The following AHNAK2 variants were observed in gnomAD, a reference collection of about 807,000 sequenced individuals.
AHNAK2 encodes protein AHNAK2.
Under a neutral mutation model 30.7 loss-of-function variants are expected in AHNAK2, and 18 were observed. The ratio of observed to expected loss-of-function variants is 0.59; its 90% CI spans 0.41 to 0.87. The LOEUF (loss-of-function observed/expected upper bound fraction) is 0.87. AHNAK2 is among the 40% of genes least tolerant of loss of function. The probability of loss-of-function intolerance (pLI) is 0.00; values close to 1 mark genes in which losing one functional copy is unlikely to be tolerated. For missense variants in AHNAK2, 8,604 were observed against 7,373.0 expected, an observed-to-expected ratio of 1.17 and a Z score of -6.11; for synonymous variants, 3,590 against 3,073.8, an observed-to-expected ratio of 1.17 and a Z score of -5.56.
Position 104,948,403 on chromosome 14 carries a change from C to A in AHNAK2, c.7048G>T (p.Ala2350Ser). 1 of 1,612,466 alleles carries A rather than the reference C, an allele frequency of 6.2e-7. No individual in the cohort carries two copies. The highest frequency in any genetic ancestry group is 8.5e-7 in the Non-Finnish European group (1 of 1,179,548). ...SADVSALKVE[A>S]DVSLPSMQGD... ...TGCATGGAGGGGAGGCTCACGTCGG[C>A]CTCCACCTTCAACGCAGACACATCC... The change falls in exon 7 of 7, where the codon GCC (alanine) becomes TCC (serine). Residue 2350 changes from alanine (A) to serine (S), a missense_variant. By Grantham distance (99) the Ala-to-Ser change is moderately conservative. Transcript: ENST00000333244.
intron 1 of AHNAK2, among the ~76,000 whole-genome samples, chr14:104,960,937 G>T: frequency 6.6e-6 from 1 of 151,262 alleles, no homozygotes; most frequent in Non-Finnish European, 1.5e-5. Context: ...TTTGAGACCA[G>T]CCTGGCCAAC....
Position 104,954,311 on chromosome 14 carries a change from C to G in AHNAK2, c.1140G>C (p.Arg380Ser). Residue 380 changes from arginine (R) to serine (S), a missense_variant, in exon 7 of 7, where the codon AGG becomes AGC. Coordinates refer to ENST00000333244, the MANE Select transcript of AHNAK2 (RefSeq NM_138420.4). The surrounding 1 kb of genome is among the most constrained non-coding windows in gnomAD (Gnocchi z 4.3). Reference sequence around the variant, plus strand: ...GCATCACTTCTCGATCCTGTTCTGCCCTCTCCTCTCTCCTGCTGCCTGTGG... The same window carrying G: ...GCATCACTTCTCGATCCTGTTCTGCGCTCTCCTCTCTCCTGCTGCCTGTGG... ...GAATGSRREERAEQDREVMPA... is the reference protein window; with the variant it reads ...GAATGSRREESAEQDREVMPA... 6.2e-7 allele frequency: 1 copy of G among 1,613,650 alleles called. No homozygotes were observed. The highest frequency in any genetic ancestry group is 8.5e-7 in the Non-Finnish European group (1 of 1,179,878).
At position 104,939,927 on chromosome 14, in the gene AHNAK2, C is replaced by A; in HGVS notation, c.15524G>T (p.Ser5175Ile). The A allele has an allele frequency of 6.2e-7, 1 of 1,612,464 alleles. No individual in the cohort carries two copies. The highest frequency in any genetic ancestry group is 1.7e-5 in the Admixed American group (1 of 60,030). The change falls in exon 7 of 7, where the codon AGC (serine) becomes ATC (isoleucine). Residue 5175 changes from serine to isoleucine, a missense_variant. Ser to Ile is a moderately radical substitution (Grantham distance 142, BLOSUM62 -2). Coordinates refer to ENST00000333244, the MANE Select transcript of AHNAK2 (RefSeq NM_138420.4). ...KPDAEVLTVE[S>I]PEEEAMTKYS... ...CTTGGTCATGGCTTCCTCCTCTGGG[C>A]TTTCCACTGTGAGGACTTCAGCATC...
Position 104,939,211 on chromosome 14 carries a change from G to C in AHNAK2, c.16240C>G (p.Gln5414Glu), listed in dbSNP as rs1448138399. Residue 5414 changes from glutamine to glutamate, a missense_variant, in exon 7 of 7, where the codon CAG becomes GAG. Transcript: ENST00000333244. ...DVFIPTVREV[Q>E]CPEANIDTAL... ...GTATCAATATTGGCCTCTGGACACTGCACTTCCCTCACAGTGGGGATGAAC... is the reference window on the plus strand; with the variant it reads ...GTATCAATATTGGCCTCTGGACACTCCACTTCCCTCACAGTGGGGATGAAC... 3 of 1,613,830 alleles carry C rather than the reference G, an allele frequency of 1.9e-6. No homozygotes were observed. The highest frequency in any genetic ancestry group is 2.5e-6 in the Non-Finnish European group (3 of 1,179,876).
chr14:104,970,472 G>T, intron 1 of AHNAK2: 4 of 985,534 alleles, frequency 4.1e-6, no homozygotes, highest in South Asian at 4.7e-5. Flanking sequence ...AGCTACAGAC[G>T]CTCTCCCAAC....
At position 104,948,107 on chromosome 14, in the gene AHNAK2, G is replaced by A. The variant is rs578259727; in HGVS notation, c.7344C>T (p.Ser2448=). 43 of 1,612,334 alleles carry A rather than the reference G, an allele frequency of 2.7e-5. No homozygotes were observed. The East Asian group carries it at 3.6e-4, about 13-fold the overall frequency. ...CCGGGGCCTCGACATCCACCTCCAC[G>A]CTGGGCTGAGACACCTCCACGTCGG... ...MAPDVEVSQP[S]VEVDVEAPGA... Residue 2448 remains serine, a synonymous_variant, in exon 7 of 7, where the codon AGC becomes AGT. Transcript: ENST00000333244.
Position 104,942,628 on chromosome 14 carries a change from G to C in AHNAK2, c.12823C>G (p.Leu4275Val), listed in dbSNP as rs762628836. ...EVDVEAPGAKLDSVRLEGDLS... is the reference protein window; with the variant it reads ...EVDVEAPGAKVDSVRLEGDLS... ...TCACCCTCCAGCCGCACACTGTCCA[G>C]CTTGGCTCCCGGGGCCTCGACGTCC... Residue 4275 changes from leucine (L) to valine (V), a missense_variant, in exon 7 of 7, where the codon CTG (leucine) becomes GTG (valine). By Grantham distance (32) the Leu-to-Val change is conservative (BLOSUM62 1). Transcript: ENST00000333244. 4 of 1,613,318 alleles carry C rather than the reference G, an allele frequency of 2.5e-6. No individual in the cohort carries two copies. The highest frequency in any genetic ancestry group is 3.4e-6 in the Non-Finnish European group (4 of 1,179,644).
Position 104,955,215 on chromosome 14 carries a change from G to A in AHNAK2, c.467-74C>T, listed in dbSNP as rs190048624. ...GGTCTGCTGTCTTGCCTTGGCTGGC[G>A]AGGAGGGTCCCGGGGACATGAATAG... On this transcript the variant is annotated intron_variant, in intron 5 of 6. Transcript: ENST00000333244. 4.5e-4 allele frequency: 676 copies of A among 1,504,494 alleles called. 4 individuals are homozygous for A. In the East Asian group the frequency reaches 0.013, roughly 29 times the overall value. The allele number at this position is 1,504,494 out of a possible 1,614,324, so 93.2% of individuals were successfully genotyped here.
At position 104,941,149 on chromosome 14, in the gene AHNAK2, G is replaced by A. The variant is rs1371220774; in HGVS notation, c.14302C>T (p.Pro4768Ser). 1.2e-6 allele frequency: 2 copies of A among 1,613,420 alleles called. No individual in the cohort carries two copies. Among genetic ancestry groups the A allele is most frequent in the African/African-American group, 2.7e-5 (2 of 74,902 alleles). The stretch of plus-strand genomic sequence containing the variant: ...CCAGTGAGATCAAGCCGGGATGATG[G>A]AAACCCAGCAAAACCCACCTTAGGC... ...QMPKVGFAGFPSSRLDLTGPH... is the reference protein window; with the variant it reads ...QMPKVGFAGFSSSRLDLTGPH... Residue 4768 changes from proline to serine, a missense_variant, in exon 7 of 7, where the codon CCA becomes TCA. Coordinates refer to ENST00000333244, the MANE Select transcript of AHNAK2 (RefSeq NM_138420.4).
Position 104,942,872 on chromosome 14 carries a change from C to G in AHNAK2, c.12579G>C (p.Gln4193His). ...IQSPSADLEV[Q>H]AGQVDVKLPE... ...GGAGTTTCACGTCCACTTGGCCAGC[C>G]TGGACCTCCAGGTCGGCGGAAGGGG... Residue 4193 changes from glutamine (Q) to histidine (H), a missense_variant, in exon 7 of 7, where the codon CAG becomes CAC. Coordinates refer to ENST00000333244, the MANE Select transcript of AHNAK2 (RefSeq NM_138420.4). 2.5e-6 allele frequency: 4 copies of G among 1,612,942 alleles called. No homozygotes were observed. The highest frequency in any genetic ancestry group is 2.2e-5 in the South Asian group (2 of 91,036).
In AHNAK2 at chr14:104,952,161, T is replaced by C; in HGVS notation, c.3290A>G (p.Lys1097Arg). ...GCCCTTGACGTCCACCTGGGGGCCCTTGAGGGCCACTTTGGGCATCTTGAA... is the reference window on the plus strand; with the variant it reads ...GCCCTTGACGTCCACCTGGGGGCCCCTGAGGGCCACTTTGGGCATCTTGAA... Reference protein sequence around the residue: ...PSFKMPKVALKGPQVDVKGPK... With the variant: ...PSFKMPKVALRGPQVDVKGPK... Residue 1097 changes from lysine (K) to arginine (R), a missense_variant, in exon 7 of 7, where the codon AAG becomes AGG. By Grantham distance (26) the Lys-to-Arg change is conservative (BLOSUM62 2). Transcript: ENST00000333244. 1.9e-6 allele frequency: 3 copies of C among 1,612,454 alleles called. No homozygotes were observed. The highest frequency in any genetic ancestry group is 2.2e-5 in the East Asian group (1 of 44,766).
At chr14:104,965,401 CAAAAAA>C (rs397853385) in intron 1 of AHNAK2, among the ~76,000 whole-genome samples, 3 of 85,520 alleles carry the variant, frequency 3.5e-5, no homozygotes, top group Admixed American at 1.3e-4. Context: ...AACTCTGTCT[CAAAAAA>C]AAAAAAAAAA....
intron 1 of AHNAK2, among the ~76,000 whole-genome samples, chr14:104,967,481 C>T (rs537365699): frequency 6.6e-6 from 1 of 152,342 alleles, no homozygotes; most frequent in Admixed American, 6.5e-5. Context: ...GCCCTGGGCA[C>T]ACCCTGTGCT....
At position 104,951,033 on chromosome 14, in the gene AHNAK2, C is replaced by A. The variant is rs377749627; in HGVS notation, c.4418G>T (p.Gly1473Val). The A allele has an allele frequency of 3.3e-4, 353 of 1,062,104 alleles. 115 individuals are homozygous for A. In the South Asian group the frequency reaches 4.5e-3, roughly 14 times the overall value. The allele number at this position is 1,062,104 out of a possible 1,614,324, so 65.8% of individuals were successfully genotyped here. A position where few individuals can be genotyped will look rare whatever the true frequency, so the allele number is the denominator to read the frequency against. Residue 1473 changes from glycine (G) to valine (V), a missense_variant, in exon 7 of 7, where the codon GGA (glycine) becomes GTA (valine). Coordinates refer to ENST00000333244, the MANE Select transcript of AHNAK2 (RefSeq NM_138420.4). ...CAGGGACATGTCCTCCTCCAGCCGT[C>A]CACCATCCAGCTTGGCTCCTGGGGC... ...VEAPGAKLDG[G>V]RLEEDMSLAD...
chr14:104,943,797 T>C lies in AHNAK2; in HGVS notation c.11654A>G (p.His3885Arg), dbSNP rs766161299. 3.1e-6 allele frequency: 5 copies of C among 1,613,080 alleles called. No individual in the cohort carries two copies. The highest frequency in any genetic ancestry group is 4.2e-6 in the Non-Finnish European group (5 of 1,179,580). ...ACTGGGCATCTGCACCTTGGGCAGGTGTCCTTTGAGGCCGGCTTCCTCGGG... is the reference window on the plus strand; with the variant it reads ...ACTGGGCATCTGCACCTTGGGCAGGCGTCCTTTGAGGCCGGCTTCCTCGGG... ...HVPEEAGLKG[H>R]LPKVQMPSFK... Residue 3885 changes from histidine to arginine, a missense_variant, in exon 7 of 7, where the codon CAC (histidine) becomes CGC (arginine). Coordinates refer to ENST00000333244, the MANE Select transcript of AHNAK2 (RefSeq NM_138420.4).
rs748862540 is a variant in AHNAK2 at position 104,950,275 on chromosome 14, G to A, written c.5176C>T (p.Leu1726Phe). The stretch of plus-strand genomic sequence containing the variant: ...CCCTCGGGAAGGGGGCCCTCCGGGA[G>A]TTTCACGTTCACTTGGCCAGCCTGG... ...EVQAGQVNVK[L>F]PEGPLPEGAG... is the part of the protein sequence containing the mutation. Residue 1726 changes from leucine to phenylalanine, a missense_variant, in exon 7 of 7, where the codon CTC becomes TTC. Transcript: ENST00000333244. The A allele has an allele frequency of 5.5e-5, 88 of 1,585,726 alleles. 5 individuals carry two copies. The South Asian group carries it at 8.7e-4, about 16-fold the overall frequency.
chr14:104,955,260 GC>G, intron 5 of AHNAK2, 119 bp from the exon 6 acceptor site: 1 of 1,332,544 alleles, frequency 7.5e-7, no homozygotes, highest in Non-Finnish European at 1.0e-6. Flanking sequence ...CACTGAGTCT[GC>G]CCCACCAGTC....
chr14:104,971,584 C>T (rs570913338), intron 1 of AHNAK2, among the ~76,000 whole-genome samples: 30 of 152,232 alleles, frequency 2.0e-4, no homozygotes, highest in African/African-American at 2.9e-4. Flanking sequence ...CATCCTTCCC[C>T]GTCATTTCAA....
Position 104,954,806 on chromosome 14 carries a change from CAT to C in AHNAK2, c.652-9_652-8del, listed in dbSNP as rs764063119. Reference sequence around the variant, plus strand: ...CATCAGCAACATCCGTGTCCTGAAACATAGGGAGAGGGAATCTGTTGGTGCCA... The same window carrying C: ...CATCAGCAACATCCGTGTCCTGAAACAGGGAGAGGGAATCTGTTGGTGCCA... On this transcript the variant is annotated splice_region_variant and splice_polypyrimidine_tract_variant and intron_variant, in intron 6 of 6. Transcript: ENST00000333244. The surrounding 1 kb of genome is among the most constrained non-coding windows in gnomAD (Gnocchi z 4.3). 3.9e-6 allele frequency: 6 copies of C among 1,552,878 alleles called. No homozygotes were observed. Among genetic ancestry groups the C allele is most frequent in the Middle Eastern group, 3.5e-4 (2 of 5,738 alleles).
Sources: gnomAD v4.1 joint callset for allele counts (sites outside exome capture counted in the v4.1 genomes callset) on GRCh38, gnomAD v4.1.1 for gene constraint, Gnocchi (gnomAD v3.1) non-coding constraint, MANE v1.5 for transcripts, NCBI Gene and HGNC (gene_info 2026-07-23, HGNC 2026-07-21) for gene names.